Variants in OSBPL3 observed in about 807,000 individuals in gnomAD.
The protein encoded by OSBPL3 is oxysterol-binding protein-related protein 3.
A neutral mutation model predicts 120.1 loss-of-function variants in OSBPL3; 65 were observed. The observed-to-expected ratio is 0.54, with a 90% CI of 0.44 to 0.67. OSBPL3 has a LOEUF of 0.67. Ranked by LOEUF, OSBPL3 falls within the 30% of genes least tolerant of loss-of-function variation. The pLI, the probability that OSBPL3 is intolerant of heterozygous loss-of-function variation, is 0.00. For synonymous variants in OSBPL3, 416 were observed against 402.6 expected, an observed-to-expected ratio of 1.03 and a Z score of -0.40; for missense variants, 1,004 against 1,082.1, an observed-to-expected ratio of 0.93 and a Z score of 1.01.
intron 1 of OSBPL3, among the ~76,000 whole-genome samples, chr7:24,921,441 T>C (rs967313077): frequency 2.0e-5 from 3 of 152,158 alleles, no homozygotes; most frequent in African/African-American, 4.8e-5. Flanking sequence ...AATCACCTCT[T>C]TGACACTACT....
intron 7 of OSBPL3, among the ~76,000 whole-genome samples, chr7:24,864,531 C>T (rs561159662): frequency 2.1e-4 from 32 of 152,278 alleles, no homozygotes; most frequent in African/African-American, 7.5e-4. Context: ...GGGGTAAAGC[C>T]TACATGGTCC....
In OSBPL3 at chr7:24,849,110, C is replaced by T. The variant is rs775409964; in HGVS notation, c.1225G>A (p.Asp409Asn). The change falls in exon 12 of 23, where the codon GAC (aspartate) becomes AAC (asparagine). Residue 409 changes from aspartate (D) to asparagine (N), a missense_variant. Asp to Asn is a conservative substitution (Grantham distance 23, BLOSUM62 1). Coordinates refer to ENST00000313367, the MANE Select transcript of OSBPL3 (RefSeq NM_015550.4). The surrounding 1 kb of genome is among the most constrained non-coding windows in gnomAD (Gnocchi z 5.4). ...CCCGACTTGGCGACAGCGGGGGAGTCGAGGAGCAGAGACTCGGCATGGATT... is the reference window on the plus strand; with the variant it reads ...CCCGACTTGGCGACAGCGGGGGAGTTGAGGAGCAGAGACTCGGCATGGATT... ...RRIHAESLLL[D>N]SPAVAKSGDN... The T allele has an allele frequency of 2.5e-6, 4 of 1,613,846 alleles. No individual in the cohort carries two copies. The highest frequency in any genetic ancestry group is 4.5e-5 in the East Asian group (2 of 44,890).
rs866311786 is a variant in OSBPL3 at position 24,953,861 on chromosome 7, C to T, written c.-150+26025G>A. On this transcript the variant is annotated intron_variant, in intron 1 of 22. Coordinates refer to ENST00000313367, the MANE Select transcript of OSBPL3 (RefSeq NM_015550.4). This position sits in a 1 kb window ranked among gnomAD's most constrained non-coding sequence, Gnocchi z 4.3. Reference sequence around the variant, plus strand: ...GCATGTATCCCAGGAATAGCTTTTGCTACAAAATGTGAGACAAAACAGCTC... The same window carrying T: ...GCATGTATCCCAGGAATAGCTTTTGTTACAAAATGTGAGACAAAACAGCTC... Among the ~76,000 whole-genome samples the T allele has an allele frequency of 6.6e-6, 1 of 152,176 alleles. No homozygotes were observed. Among genetic ancestry groups the T allele is most frequent in the African/African-American group, 2.4e-5 (1 of 41,442 alleles).
rs1357007032 is a variant in OSBPL3 at position 24,952,972 on chromosome 7, CA to C, written c.-150+26913del. ...GCAACACAGCAAGACACTGTCTCTACAAAAAAATCTAAAAATTAGCCAGGCA... is the reference window on the plus strand; with the variant it reads ...GCAACACAGCAAGACACTGTCTCTACAAAAAATCTAAAAATTAGCCAGGCA... On this transcript the variant is annotated intron_variant, in intron 1 of 22. Coordinates refer to ENST00000313367, the MANE Select transcript of OSBPL3 (RefSeq NM_015550.4). This position sits in a 1 kb window ranked among gnomAD's most constrained non-coding sequence, Gnocchi z 4.4. 6.6e-6 allele frequency among the ~76,000 whole-genome samples: 1 copy of C among 151,952 alleles called. No individual in the cohort carries two copies. Among genetic ancestry groups the C allele is most frequent in the Non-Finnish European group, 1.5e-5 (1 of 67,984 alleles).
In OSBPL3 at chr7:24,877,821, C is replaced by G. The variant is rs1803059187; in HGVS notation, c.97-5752G>C. ...ACCTTGAGCTGCATATCCTGAGACA[C>G]AGTACAGGGTAGACTTGGGCCCTTG... On this transcript the variant is annotated intron_variant, in intron 2 of 22. Coordinates refer to ENST00000313367, the MANE Select transcript of OSBPL3 (RefSeq NM_015550.4). This position sits in a 1 kb window ranked among gnomAD's most constrained non-coding sequence, Gnocchi z 4.8. 6.6e-6 allele frequency among the ~76,000 whole-genome samples: 1 copy of G among 152,154 alleles called. No individual in the cohort carries two copies. The highest frequency in any genetic ancestry group is 2.1e-4 in the South Asian group (1 of 4,830).
intron 1 of OSBPL3, among the ~76,000 whole-genome samples, chr7:24,907,887 A>G (rs1387647201): frequency 1.3e-5 from 2 of 152,236 alleles, no homozygotes; most frequent in Non-Finnish European, 2.9e-5. Flanking sequence ...TTCTGTGGAA[A>G]GTAATTTACA....
intron 10 of OSBPL3, among the ~76,000 whole-genome samples, chr7:24,857,919 A>AT (rs1178605471): frequency 1.3e-5 from 2 of 152,180 alleles, no homozygotes; most frequent in Non-Finnish European, 2.9e-5. Context: ...TTTTTGTTTC[A>AT]TTTTTAGAAG....
Position 24,852,403 on chromosome 7 carries a change from T to C in OSBPL3, c.1158+101A>G. The C allele has an allele frequency of 8.9e-7, 1 of 1,126,292 alleles. No homozygotes were observed. Among genetic ancestry groups the C allele is most frequent in the South Asian group, 2.6e-5 (1 of 38,516 alleles). The allele number at this position is 1,126,292 out of a possible 1,614,324, so 69.8% of individuals were successfully genotyped here. A position where few individuals can be genotyped will look rare whatever the true frequency, so the allele number is the denominator to read the frequency against. The stretch of plus-strand genomic sequence containing the variant: ...TAGAATATAATTTGGATAATTTGGT[T>C]TTCTCCTGAATTTTCAACATAATCA... On this transcript the variant is annotated intron_variant, in intron 11 of 22. Transcript: ENST00000313367. This position sits in a 1 kb window ranked among gnomAD's most constrained non-coding sequence, Gnocchi z 4.1.
chr7:24,885,232 A>AC (rs1446101033), intron 2 of OSBPL3, among the ~76,000 whole-genome samples: 1 of 151,584 alleles, frequency 6.6e-6, no homozygotes, highest in East Asian at 1.9e-4. Context: ...AAAAACAAAA[A>AC]AAAAAAAAAA....
intron 1 of OSBPL3, among the ~76,000 whole-genome samples, chr7:24,897,117 G>T (rs993650712): frequency 1.3e-5 from 2 of 151,884 alleles, no homozygotes; most frequent in Non-Finnish European, 2.9e-5. Flanking sequence ...AGGCAGGCAG[G>T]CAGGCAAGAA....
intron 19 of OSBPL3, 138 bp downstream of exon 19, chr7:24,814,921 G>A (rs1794285043): frequency 1.3e-6 from 1 of 769,454 alleles, no homozygotes; most frequent in Non-Finnish European, 2.2e-6. Context: ...AGGTGCAGCT[G>A]GGACCAAGGA....
rs1318892237 is a variant in OSBPL3 at position 24,821,193 on chromosome 7, G to A, written c.1885-955C>T. Among the ~76,000 whole-genome samples, 2 of 152,344 alleles carry A rather than the reference G, an allele frequency of 1.3e-5. No individual in the cohort carries two copies. Among genetic ancestry groups the A allele is most frequent in the East Asian group, 3.9e-4 (2 of 5,192 alleles). ...AGGTGTCTTACATTGAGAGTATCTA[G>A]CTCAAAGCCTGCACCTTATAAACGA... On this transcript the variant is annotated intron_variant, in intron 16 of 22. Coordinates refer to ENST00000313367, the MANE Select transcript of OSBPL3 (RefSeq NM_015550.4). This position sits in a 1 kb window ranked among gnomAD's most constrained non-coding sequence, Gnocchi z 5.5.
At chr7:24,975,170 AT>A (rs2128547514) in intron 1 of OSBPL3, among the ~76,000 whole-genome samples, 1 of 152,354 alleles carries the variant, frequency 6.6e-6, no homozygotes, top group African/African-American at 2.4e-5. Context: ...TAGTAACAGC[AT>A]TACCGTAGAT....
intron 12 of OSBPL3, among the ~76,000 whole-genome samples, chr7:24,847,657 G>A (rs900650680): frequency 1.3e-5 from 2 of 152,172 alleles, no homozygotes; most frequent in Non-Finnish European, 2.9e-5. Flanking sequence ...TGAACGTTAT[G>A]TATTTAACTA....
At position 24,902,210 on chromosome 7, in the gene OSBPL3, A is replaced by G. The variant is rs1204552749; in HGVS notation, c.-149-9589T>C. Among the ~76,000 whole-genome samples, 38 of 152,246 alleles carry G rather than the reference A, an allele frequency of 2.5e-4. 1 individual carries two copies. Among genetic ancestry groups the G allele is most frequent in the Admixed American group, 2.5e-3 (38 of 15,286 alleles). On this transcript the variant is annotated intron_variant, in intron 1 of 22. Transcript: ENST00000313367. ...TTAGGTAGTGTAGGATGTACTGGTC[A>G]CTATCCTGCACAACATCACAATAGG...
intron 1 of OSBPL3, among the ~76,000 whole-genome samples, chr7:24,979,572 G>C (rs974954617): frequency 6.6e-6 from 1 of 152,180 alleles, no homozygotes; most frequent in Non-Finnish European, 1.5e-5. Flanking sequence ...AGCTCCGCGC[G>C]CCGCGTCCTC....
intron 10 of OSBPL3, among the ~76,000 whole-genome samples, chr7:24,858,055 C>G (rs1800047328): frequency 6.6e-6 from 1 of 152,144 alleles, no homozygotes; most frequent in African/African-American, 2.4e-5. Flanking sequence ...TGTGTGTGAA[C>G]ATCCACACAA....
chr7:24,925,045 T>C (rs1810873565), intron 1 of OSBPL3, among the ~76,000 whole-genome samples: 1 of 152,370 alleles, frequency 6.6e-6, no homozygotes, highest in Admixed American at 6.5e-5. Flanking sequence ...AGTGGAACTA[T>C]ACATACAATT....
intron 1 of OSBPL3, among the ~76,000 whole-genome samples, chr7:24,911,359 A>G (rs1450550422): frequency 5.9e-5 from 9 of 152,336 alleles, no homozygotes; most frequent in Non-Finnish European, 1.3e-4. Flanking sequence ...GCAGCATTTC[A>G]TTACTTATCT....
Sources: allele counts gnomAD v4.1 joint callset (sites outside exome capture counted in the v4.1 genomes callset), GRCh38; gene constraint gnomAD v4.1.1; non-coding constraint Gnocchi (gnomAD v3.1); transcripts MANE v1.5; gene names NCBI Gene and HGNC (gene_info 2026-07-23, HGNC 2026-07-21).